The following KDR variants were observed in gnomAD, a reference collection of about 807,000 sequenced individuals.
The protein encoded by KDR is kinase insert domain receptor.
Under a neutral mutation model 160.9 loss-of-function variants are expected in KDR, and 43 were observed. The observed-to-expected ratio is 0.27, with a 90% CI of 0.21 to 0.34. The LOEUF is 0.34. KDR is among the 10% of genes least tolerant of loss of function. The pLI, the probability that KDR is intolerant of heterozygous loss-of-function variation, is 1.00. For missense variants in KDR, 1,469 were observed against 1,666.4 expected (o/e 0.88, Z 2.06); for synonymous variants, 617 against 600.1 (o/e 1.03, Z -0.41).
chr4:55,098,619 C>A (rs893262938), intron 16 of KDR, 78 bp downstream of exon 16: 12 of 1,090,326 alleles, frequency 1.1e-5, no homozygotes, highest in Non-Finnish European at 1.7e-5. Flanking sequence ...TGGGAAGAAA[C>A]AACTCAAAGA....
At chr4:55,123,379 A>G (rs1324703133) in intron 1 of KDR, among the ~76,000 whole-genome samples, 1 of 152,214 alleles carries the variant, frequency 6.6e-6, no homozygotes, top group Admixed American at 6.5e-5. Flanking sequence ...CCACTCGGCT[A>G]CCAAAATCAG....
rs1377880067 is a variant in KDR, at chr4:55,107,908, A to T, written c.1256-15T>A. 1 of 1,613,812 alleles carries T rather than the reference A, an allele frequency of 6.2e-7. No individual in the cohort carries two copies. Among genetic ancestry groups the T allele is most frequent in the South Asian group, 1.1e-5 (1 of 91,082 alleles). ...CTGGGGTGGGACTGAAGATGGGAAA[A>T]ACAACTTTTGAATTGTCAGTCAGCT... On this transcript the variant is annotated splice_polypyrimidine_tract_variant and intron_variant, in intron 9 of 29. Transcript: ENST00000263923.
intron 28 of KDR, 28 bp from the exon 29 acceptor site, chr4:55,082,069 G>T: frequency 1.4e-6 from 2 of 1,423,138 alleles, no homozygotes; most frequent in Non-Finnish European, 9.9e-7. Flanking sequence ...AGATGGCACA[G>T]TTAATTGAGC....
chr4:55,087,537 C>T, intron 27 of KDR, 70 bp downstream of exon 27: 3 of 1,445,218 alleles, frequency 2.1e-6, no homozygotes, highest in Non-Finnish European at 2.9e-6. Flanking sequence ...CTTCCTTCCA[C>T]TTCCAATCCC....
At position 55,104,969 on chromosome 4, in the gene KDR, G is replaced by T. The variant is rs1720406702; in HGVS notation, c.1661C>A (p.Thr554Asn). The T allele has an allele frequency of 3.7e-6, 6 of 1,613,658 alleles. No individual in the cohort carries two copies. Among genetic ancestry groups the T allele is most frequent in the Non-Finnish European group, 5.1e-6 (6 of 1,179,784 alleles). The change falls in exon 13 of 30, where the codon ACT (threonine) becomes AAT (asparagine). Residue 554 changes from threonine (T) to asparagine (N), a missense_variant. Thr to Asn is a moderately conservative substitution (Grantham distance 65). Coordinates refer to ENST00000263923, the MANE Select transcript of KDR (RefSeq NM_002253.4). ...AGTGGGCTGCATGTCAGGTTGCAAA[G>T]TAATTTCAGGACCCCCTAAAATGAA... ...SFHVTRGPEITLQPDMQPTEQ... is the reference protein window; with the variant it reads ...SFHVTRGPEINLQPDMQPTEQ...
chr4:55,114,983 C>A lies in KDR; in HGVS notation c.549G>T (p.Lys183Asn). 1 of 1,613,806 alleles carries A rather than the reference C, an allele frequency of 6.2e-7. No individual in the cohort carries two copies. Among genetic ancestry groups the A allele is most frequent in the Non-Finnish European group, 8.5e-7 (1 of 1,179,776 alleles). The change falls in exon 5 of 30, where the codon AAG becomes AAT. Residue 183 changes from lysine to asparagine, a missense_variant. Lys to Asn is a moderately conservative substitution (Grantham distance 94, BLOSUM62 0). Transcript: ENST00000263923. The stretch of plus-strand genomic sequence containing the variant: ...TCATGTAGCTGGGAATAGTAAAGCC[C>A]TTCTTGCTGTCCCAGGAAATTCTGT... ...DGNRISWDSK[K>N]GFTIPSYMIS...
At chr4:55,092,585 A>G (rs755000007) in intron 22 of KDR, 32 bp downstream of exon 22, 1 of 1,468,580 alleles carries the variant, frequency 6.8e-7, no homozygotes. Flanking sequence ...GTGATCTGAA[A>G]AGATAGCTGA....
At chr4:55,114,734 G>A in intron 5 of KDR, 140 bp downstream of exon 5, 1 of 743,566 alleles carries the variant, frequency 1.3e-6, no homozygotes, top group South Asian at 1.7e-5. Context: ...TTATTTGGTA[G>A]AGAAGAGCAG....
In KDR at chr4:55,089,384, T is replaced by C. The variant is rs777679428; in HGVS notation, c.3394A>G (p.Thr1132Ala). 1.4e-5 allele frequency: 22 copies of C among 1,604,124 alleles called. No individual in the cohort carries two copies. The highest frequency in any genetic ancestry group is 2.2e-5 in the East Asian group (1 of 44,824). ...GTRMRAPDYT[T>A]PEMYQTMLDC... is the part of the protein sequence containing the mutation. Reference sequence around the variant, plus strand: ...TTCTTAAAGTCTTACATTTCTGGTGTAGTATAATCAGGGGCCCTCATTCTA... The same window carrying C: ...TTCTTAAAGTCTTACATTTCTGGTGCAGTATAATCAGGGGCCCTCATTCTA... The change falls in exon 25 of 30, where the codon ACA becomes GCA. Residue 1132 changes from threonine to alanine, a missense_variant. By Grantham distance (58) the Thr-to-Ala change is moderately conservative (BLOSUM62 0). This residue lies in a region of KDR where 132 missense variants were observed against 195.9 expected (regional missense o/e 0.67). Coordinates refer to ENST00000263923, the MANE Select transcript of KDR (RefSeq NM_002253.4).
At chr4:55,122,928 C>A (rs932912854) in intron 1 of KDR, 2 of 152,022 alleles carry the variant, frequency 1.3e-5, no homozygotes, top group Non-Finnish European at 2.9e-5. Flanking sequence ...GTGCGTGGAA[C>A]GGGGGTTACA....
rs748413354 is a variant in KDR, at chr4:55,110,781, A to C, written c.977-13T>G. 6 of 875,034 alleles carry C rather than the reference A, an allele frequency of 6.9e-6. No homozygotes were observed. In the African/African-American group the frequency reaches 2.5e-4, roughly 36 times the overall value. The allele number at this position is 875,034 out of a possible 1,614,324, so 54.2% of individuals were successfully genotyped here. A position where few individuals can be genotyped will look rare whatever the true frequency, so the allele number is the denominator to read the frequency against. ...ACAAAAGGTTTTTCTGGAAGAAAAT[A>C]AAAAAAAAAAAAGGTCAACTTACTG... On this transcript the variant is annotated splice_polypyrimidine_tract_variant and intron_variant, in intron 7 of 29. Coordinates refer to ENST00000263923, the MANE Select transcript of KDR (RefSeq NM_002253.4).
intron 15 of KDR, 37 bp downstream of exon 15, chr4:55,101,860 G>T (rs1336040894): frequency 6.5e-7 from 1 of 1,540,428 alleles, no homozygotes; most frequent in Non-Finnish European, 9.0e-7. Flanking sequence ...AGCATTCCAT[G>T]GTGTATATGT....
chr4:55,096,537 T>A, intron 18 of KDR, 195 bp from the exon 19 acceptor site: 1 of 585,580 alleles, frequency 1.7e-6, no homozygotes, highest in Non-Finnish European at 3.0e-6. Context: ...AAATTCATAT[T>A]TTAAGTGAGC....
chr4:55,095,513 T>TGTAC lies in KDR; in HGVS notation c.2817+60_2817+63dup. On this transcript the variant is annotated intron_variant, in intron 20 of 29. Coordinates refer to ENST00000263923, the MANE Select transcript of KDR (RefSeq NM_002253.4). ...CAAAATTTCAACTAAAAAACTAACCTGTACCATTTTGAGTTTCCCTTCATT... is the reference window on the plus strand; with the variant it reads ...CAAAATTTCAACTAAAAAACTAACCTGTACGTACCATTTTGAGTTTCCCTTCATT... 6 of 1,197,706 alleles carry TGTAC rather than the reference T, an allele frequency of 5.0e-6. No individual in the cohort carries two copies. In the South Asian group the frequency reaches 6.1e-5, roughly 12 times the overall value. The allele number at this position is 1,197,706 out of a possible 1,614,324, so 74.2% of individuals were successfully genotyped here.
Position 55,118,809 on chromosome 4 carries a change from T to A in KDR, c.162-9A>T. 6.2e-7 allele frequency: 1 copy of A among 1,610,760 alleles called. No homozygotes were observed. The highest frequency in any genetic ancestry group is 8.5e-7 in the Non-Finnish European group (1 of 1,177,052). Reference sequence around the variant, plus strand: ...CCAAGTCCCTCTGTCCCCTGAAAAATTAATTTCAGGGAGGTATTAATATGA... The same window carrying A: ...CCAAGTCCCTCTGTCCCCTGAAAAAATAATTTCAGGGAGGTATTAATATGA... On this transcript the variant is annotated splice_polypyrimidine_tract_variant and intron_variant, in intron 2 of 29. Coordinates refer to ENST00000263923, the MANE Select transcript of KDR (RefSeq NM_002253.4).
Position 55,102,610 on chromosome 4 carries a change from C to T in KDR, c.1988-102G>A, listed in dbSNP as rs890972183. 8 of 1,269,298 alleles carry T rather than the reference C, an allele frequency of 6.3e-6. No individual in the cohort carries two copies. In the Admixed American group the frequency reaches 9.4e-5, roughly 15 times the overall value. 78.6% of individuals were successfully genotyped at this position (1,269,298 alleles called of 1,614,324 possible). Reference sequence around the variant, plus strand: ...ACAGTTTAAATTTAGTAAAAAGGAACTTGTTGATATATTAACTTCTGGGAA... The same window carrying T: ...ACAGTTTAAATTTAGTAAAAAGGAATTTGTTGATATATTAACTTCTGGGAA... On this transcript the variant is annotated intron_variant, in intron 13 of 29. Coordinates refer to ENST00000263923, the MANE Select transcript of KDR (RefSeq NM_002253.4).
Position 55,082,528 on chromosome 4 carries a change from G to A in KDR, c.3762+8C>T, listed in dbSNP as rs78801899. 31 of 1,553,996 alleles carry A rather than the reference G, an allele frequency of 2.0e-5. No homozygotes were observed. Among genetic ancestry groups the A allele is most frequent in the South Asian group, 1.2e-4 (11 of 89,898 alleles). On this transcript the variant is annotated splice_region_variant and intron_variant, in intron 28 of 29. Coordinates refer to ENST00000263923, the MANE Select transcript of KDR (RefSeq NM_002253.4). ...ATTTCTAAGACTATTTTTAAAAGAC[G>A]TACTTACATCTGGGATTACTTTTAC...
At chr4:55,099,268 C>T (rs758101611) in intron 15 of KDR, among the ~76,000 whole-genome samples, 1 of 152,196 alleles carries the variant, frequency 6.6e-6, no homozygotes, top group South Asian at 2.1e-4. Context: ...ATCCCCCCTG[C>T]CTTGGCCTCC....
intron 1 of KDR, among the ~76,000 whole-genome samples, chr4:55,122,334 A>G (rs1273972866): frequency 6.6e-6 from 1 of 152,192 alleles, no homozygotes; most frequent in Non-Finnish European, 1.5e-5. Flanking sequence ...AGACCTAGAA[A>G]ATACCAGCTT....
Sources: allele counts gnomAD v4.1 joint callset (sites outside exome capture counted in the v4.1 genomes callset), GRCh38; gene constraint gnomAD v4.1.1; regional missense constraint gnomAD v4.1.1; transcripts MANE v1.5; gene names NCBI Gene and HGNC (gene_info 2026-07-23, HGNC 2026-07-21).